Variants in CAMSAP2 observed in about 807,000 individuals in gnomAD.
CAMSAP2 encodes calmodulin regulated spectrin associated protein family member 2.
Under a neutral mutation model 146.1 loss-of-function variants are expected in CAMSAP2, and 26 were observed. That is an observed-to-expected ratio of 0.18 (90% confidence interval 0.13 to 0.25). The LOEUF is 0.25. Ranked by LOEUF, CAMSAP2 falls within the 10% of genes least tolerant of loss-of-function variation. The probability of loss-of-function intolerance (pLI) is 1.00; values close to 1 mark genes in which losing one functional copy is unlikely to be tolerated. For synonymous variants in CAMSAP2, 499 were observed against 596.6 expected (o/e 0.84, Z 2.38); for missense variants, 1,381 against 1,759.3 (o/e 0.78, Z 3.85).
At chr1:200,844,934 T>A in intron 8 of CAMSAP2, 65 bp downstream of exon 8, 1 of 767,410 alleles carries the variant, frequency 1.3e-6, no homozygotes, top group Non-Finnish European at 2.0e-6. Context: ...TTACATAATA[T>A]TATATTACAT....
intron 2 of CAMSAP2, among the ~76,000 whole-genome samples, chr1:200,804,630 C>T (rs1360069965): frequency 2.0e-5 from 3 of 151,994 alleles, no homozygotes; most frequent in African/African-American, 7.2e-5. Flanking sequence ...TGTCTAGGAA[C>T]AAAAGTGAAA....
rs140957812 is a variant in CAMSAP2, at chr1:200,761,814, T to A, written c.399+716T>A. On this transcript the variant is annotated intron_variant, in intron 2 of 16. Transcript: ENST00000358823. ...CTGCATATCAGATATTTTCGTTTAT[T>A]TGATAGCTTTGAACTCATTCTTGTA... Among the ~76,000 whole-genome samples, 649 of 152,334 alleles carry A rather than the reference T, an allele frequency of 4.3e-3. 3 individuals are homozygous for A. The highest frequency in any genetic ancestry group is 0.014 in the African/African-American group (592 of 41,574).
At chr1:200,760,505 A>G (rs1664771297) in intron 1 of CAMSAP2, among the ~76,000 whole-genome samples, 1 of 152,176 alleles carries the variant, frequency 6.6e-6, no homozygotes, top group South Asian at 2.1e-4. Context: ...CATTGAAATT[A>G]GTTTTTAGGA....
chr1:200,850,321 G>C (rs1667588522), intron 11 of CAMSAP2, 87 bp downstream of exon 11: 1 of 1,152,660 alleles, frequency 8.7e-7, no homozygotes, highest in Admixed American at 2.5e-5. Context: ...TGACATGCTT[G>C]CTTCTTTCAG....
chr1:200,790,103 G>A (rs1034445379), intron 2 of CAMSAP2, among the ~76,000 whole-genome samples: 2 of 152,086 alleles, frequency 1.3e-5, no homozygotes, highest in Admixed American at 1.3e-4. Context: ...TATGCCTCTG[G>A]ACTGTGGACT....
chr1:200,819,696 CTCAG>C (rs1666696921), intron 4 of CAMSAP2, among the ~76,000 whole-genome samples: 2 of 152,008 alleles, frequency 1.3e-5, no homozygotes, highest in South Asian at 4.2e-4. Flanking sequence ...TAAAAAGATG[CTCAG>C]TTTTTCCCTT....
intron 4 of CAMSAP2, among the ~76,000 whole-genome samples, chr1:200,829,220 TATTA>T (rs1417670426): frequency 6.6e-6 from 1 of 152,158 alleles, no homozygotes; most frequent in African/African-American, 2.4e-5. Flanking sequence ...TTTTAGTAAA[TATTA>T]ATTTGAATTG....
chr1:200,790,150 G>T (rs1045957771), intron 2 of CAMSAP2, among the ~76,000 whole-genome samples: 1 of 152,092 alleles, frequency 6.6e-6, no homozygotes, highest in Non-Finnish European at 1.5e-5. Context: ...TCCTTCTTTA[G>T]GTGGGTCAGG....
intron 2 of CAMSAP2, among the ~76,000 whole-genome samples, chr1:200,794,881 A>C (rs769188375): frequency 6.6e-6 from 1 of 152,232 alleles, no homozygotes; most frequent in Non-Finnish European, 1.5e-5. Context: ...TCCTGGTTAT[A>C]AAGTTGTGTG....
At chr1:200,818,831 G>C (rs1454208125) in intron 4 of CAMSAP2, among the ~76,000 whole-genome samples, 2 of 151,790 alleles carry the variant, frequency 1.3e-5, no homozygotes, top group African/African-American at 4.8e-5. Flanking sequence ...TCTTTTTATT[G>C]CTATACAGTT....
intron 2 of CAMSAP2, among the ~76,000 whole-genome samples, chr1:200,786,449 T>A (rs1023835472): frequency 2.0e-5 from 3 of 151,812 alleles, no homozygotes; most frequent in Admixed American, 6.6e-5. Context: ...AGTGGCGCAA[T>A]CTCAGCTCGC....
intron 4 of CAMSAP2, among the ~76,000 whole-genome samples, chr1:200,828,023 A>G (rs1666947949): frequency 6.6e-6 from 1 of 152,144 alleles, no homozygotes; most frequent in Non-Finnish European, 1.5e-5. Flanking sequence ...ACAATTGCCA[A>G]CTAGGTTTTT....
At chr1:200,839,157 C>T (rs1053744834) in intron 6 of CAMSAP2, among the ~76,000 whole-genome samples, 5 of 152,036 alleles carry the variant, frequency 3.3e-5, no homozygotes, top group Admixed American at 2.0e-4. Context: ...CAAAGAGGGG[C>T]GAGATCAGGA....
intron 7 of CAMSAP2, among the ~76,000 whole-genome samples, chr1:200,843,438 A>C (rs1667377992): frequency 6.6e-6 from 1 of 152,194 alleles, no homozygotes. Context: ...ACATTATATA[A>C]CTTCTTTACA....
Position 200,847,715 on chromosome 1 carries a change from CAAAG to C in CAMSAP2, c.1262+8_1262+11del. 1 of 1,603,388 alleles carries C rather than the reference CAAAG, an allele frequency of 6.2e-7. No individual in the cohort carries two copies. Among genetic ancestry groups the C allele is most frequent in the Non-Finnish European group, 8.5e-7 (1 of 1,171,298 alleles). ...ACATGGCCCAAAGAGAAAAGGTAAACAAAGAGAATTACTTTTAGTGTATTCAGAT... is the reference window on the plus strand; with the variant it reads ...ACATGGCCCAAAGAGAAAAGGTAAACAGAATTACTTTTAGTGTATTCAGAT... On this transcript the variant is annotated splice_region_variant and intron_variant, in intron 10 of 16. Transcript: ENST00000358823.
In CAMSAP2 at chr1:200,832,223, A is replaced by G; in HGVS notation, c.669A>G (p.Thr223=). 6.2e-7 allele frequency: 1 copy of G among 1,612,262 alleles called. No individual in the cohort carries two copies. The highest frequency in any genetic ancestry group is 8.5e-7 in the Non-Finnish European group (1 of 1,179,240). The change falls in exon 5 of 17, where the codon ACA becomes ACG. Residue 223 remains threonine (T), a synonymous_variant. Coordinates refer to ENST00000358823, the MANE Select transcript of CAMSAP2 (RefSeq NM_203459.4). The surrounding 1 kb of genome is among the most constrained non-coding windows in gnomAD (Gnocchi z 4.2). ...GQKARYRKEQ[T]LLKQLPCIPL... ...AGGCTCGTTATCGGAAAGAGCAAACATTGCTTAAGCAACTGCCTTGCATTC... is the reference window on the plus strand; with the variant it reads ...AGGCTCGTTATCGGAAAGAGCAAACGTTGCTTAAGCAACTGCCTTGCATTC...
chr1:200,774,490 T>G (rs1207571104), intron 2 of CAMSAP2, among the ~76,000 whole-genome samples: 1 of 152,188 alleles, frequency 6.6e-6, no homozygotes, highest in African/African-American at 2.4e-5. Context: ...ATTATTGTTT[T>G]CCTGAAGCTA....
intron 4 of CAMSAP2, among the ~76,000 whole-genome samples, chr1:200,830,830 A>G (rs1667022808): frequency 1.3e-5 from 2 of 152,232 alleles, no homozygotes; most frequent in African/African-American, 4.8e-5. Flanking sequence ...GCACTAATTA[A>G]CAAGAACCTT....
At position 200,858,288 on chromosome 1, in the gene CAMSAP2, G is replaced by C; in HGVS notation, c.*229G>C. The C allele has an allele frequency of 2.4e-6, 1 of 421,538 alleles. No individual in the cohort carries two copies. The highest frequency in any genetic ancestry group is 4.2e-6 in the Non-Finnish European group (1 of 240,572). The allele number at this position is 421,538 out of a possible 1,614,324, so 26.1% of individuals were successfully genotyped here. A position where few individuals can be genotyped will look rare whatever the true frequency, so the allele number is the denominator to read the frequency against. ...AAGGAAATGTTTTAATTCACAAATG[G>C]AGATTTGTATGTGTTATCAGGTTCA... On this transcript the variant is annotated 3_prime_UTR_variant, in exon 17 of 17. Coordinates refer to ENST00000358823, the MANE Select transcript of CAMSAP2 (RefSeq NM_203459.4).
Sources: allele counts gnomAD v4.1 joint callset (sites outside exome capture counted in the v4.1 genomes callset), GRCh38; gene constraint gnomAD v4.1.1; non-coding constraint Gnocchi (gnomAD v3.1); transcripts MANE v1.5; gene names NCBI Gene and HGNC (gene_info 2026-07-23, HGNC 2026-07-21).